The following SPEF2 variants were observed in gnomAD, a reference collection of about 807,000 sequenced individuals.
SPEF2 encodes sperm flagellar and cilia associated 2.
Under a neutral mutation model 224.6 loss-of-function variants are expected in SPEF2, and 187 were observed. The ratio of observed to expected loss-of-function variants is 0.83; its 90% CI spans 0.74 to 0.94. The LOEUF is 0.94. Among genes scored for constraint, SPEF2 ranks in the 40% least tolerant of loss-of-function variants. The pLI is 0.00. For synonymous variants in SPEF2, 715 were observed against 707.3 expected (o/e 1.01, Z -0.17); for missense variants, 2,170 against 2,135.6 (o/e 1.02, Z -0.32).
rs567771873 is a variant in SPEF2, at chr5:35,677,374, G to C, written c.1524+7147G>C. On this transcript the variant is annotated intron_variant, in intron 10 of 36. Coordinates refer to ENST00000356031, the MANE Select transcript of SPEF2 (RefSeq NM_024867.4). ...AAGCAGTTGGGGAATGACATTTACT[G>C]TTTTGATAAGGATAGCCACCACCAT... 2.0e-5 allele frequency among the ~76,000 whole-genome samples: 3 copies of C among 152,318 alleles called. No individual in the cohort carries two copies. The South Asian group carries it at 6.2e-4, about 32-fold the overall frequency.
At chr5:35,671,383 G>C (rs1461989903) in intron 10 of SPEF2, 2 of 964,876 alleles carry the variant, frequency 2.1e-6, no homozygotes, top group East Asian at 1.1e-4. Context: ...GTAGCACTAA[G>C]AGAATTATTA....
At chr5:35,710,932 C>T (rs536777745) in intron 19 of SPEF2, 13 of 969,184 alleles carry the variant, frequency 1.3e-5, no homozygotes, top group East Asian at 1.1e-4. Flanking sequence ...AGGTTAATCT[C>T]GAGAGTCTTA....
At chr5:35,761,839 C>G (rs924725672) in intron 25 of SPEF2, among the ~76,000 whole-genome samples, 1 of 152,148 alleles carries the variant, frequency 6.6e-6, no homozygotes, top group African/African-American at 2.4e-5. Context: ...TAGAATGAAA[C>G]TGGCAAAAGA....
At chr5:35,807,682 G>T in intron 36 of SPEF2, 5 of 1,536,060 alleles carry the variant, frequency 3.3e-6, no homozygotes, top group Middle Eastern at 1.7e-4. Context: ...TGTGCAAAAG[G>T]TTGGGCACCA....
intron 32 of SPEF2, among the ~76,000 whole-genome samples, chr5:35,794,758 C>CTGAG (rs1756437152): frequency 6.6e-6 from 1 of 152,190 alleles, no homozygotes; most frequent in Admixed American, 6.5e-5. Flanking sequence ...CACCAAAGTG[C>CTGAG]TGAGCTAAAA....
At position 35,704,013 on chromosome 5, in the gene SPEF2, A is replaced by G. The variant is rs945649028; in HGVS notation, c.2399-541A>G. The stretch of plus-strand genomic sequence containing the variant: ...ATTCTGGACTTTGTACCATTAATCC[A>G]GAATAGGACTCAATCAGAGCTGTTG... On this transcript the variant is annotated intron_variant, in intron 16 of 36. Transcript: ENST00000356031. 3.9e-5 allele frequency among the ~76,000 whole-genome samples: 6 copies of G among 152,278 alleles called. 1 individual carries two copies.
At chr5:35,669,542 C>T (rs1750949085) in intron 9 of SPEF2, among the ~76,000 whole-genome samples, 2 of 152,048 alleles carry the variant, frequency 1.3e-5, no homozygotes, top group Admixed American at 6.6e-5. Flanking sequence ...CTATTTAAGT[C>T]CAGGTATTCC....
chr5:35,664,717 AGGG>A (rs1750211399), intron 8 of SPEF2, among the ~76,000 whole-genome samples: 1 of 136,826 alleles, frequency 7.3e-6, no homozygotes, highest in African/African-American at 2.8e-5. Context: ...AGAGAGAGAG[AGGG>A]AGGGAGAGAG....
chr5:35,714,336 TAA>T (rs1742063076), intron 20 of SPEF2, among the ~76,000 whole-genome samples: 1 of 151,556 alleles, frequency 6.6e-6, no homozygotes, highest in Admixed American at 6.6e-5. Context: ...CCTGCTTTTT[TAA>T]AGAGTCATAA....
chr5:35,762,721 G>A (rs1323234489), intron 25 of SPEF2, among the ~76,000 whole-genome samples: 1 of 152,128 alleles, frequency 6.6e-6, no homozygotes, highest in Non-Finnish European at 1.5e-5. Context: ...ACTAAAGGGG[G>A]ATTCCAGTCA....
chr5:35,811,293 A>G (rs1758515681), intron 36 of SPEF2, among the ~76,000 whole-genome samples: 1 of 152,166 alleles, frequency 6.6e-6, no homozygotes, highest in African/African-American at 2.4e-5. Context: ...AAGAAGAGCA[A>G]AAGCTAGAGT....
chr5:35,785,999 T>A (rs1048333512), intron 30 of SPEF2, among the ~76,000 whole-genome samples: 2 of 152,214 alleles, frequency 1.3e-5, no homozygotes, highest in Admixed American at 1.3e-4. Flanking sequence ...TAGGCAACAG[T>A]AGCTACTTCT....
chr5:35,727,388 A>G (rs1413205457), intron 20 of SPEF2, among the ~76,000 whole-genome samples: 1 of 152,224 alleles, frequency 6.6e-6, no homozygotes, highest in Non-Finnish European at 1.5e-5. Context: ...TCTAAACTTT[A>G]TAAAAGTCAC....
chr5:35,694,372 TCAAAA>T lies in SPEF2; in HGVS notation c.1975+14_1975+18del. ...AGGTGAAACAATGCTTAGTAAGATCTCAAAACAAATCATCTATTATTTACATTAGA... is the reference window on the plus strand; with the variant it reads ...AGGTGAAACAATGCTTAGTAAGATCTCAAATCATCTATTATTTACATTAGA... On this transcript the variant is annotated intron_variant, in intron 13 of 36. Transcript: ENST00000356031. 2.5e-6 allele frequency: 4 copies of T among 1,597,074 alleles called. No homozygotes were observed. The African/African-American group carries it at 5.5e-5, about 22-fold the overall frequency.
chr5:35,755,517 A>G (rs1750304424), intron 24 of SPEF2, among the ~76,000 whole-genome samples: 1 of 152,214 alleles, frequency 6.6e-6, no homozygotes, highest in Non-Finnish European at 1.5e-5. Context: ...TAAGACCAAC[A>G]AGGAATAAAG....
chr5:35,624,611 ATC>A (rs373361522), intron 1 of SPEF2, among the ~76,000 whole-genome samples: 25 of 146,314 alleles, frequency 1.7e-4, no homozygotes, highest in Admixed American at 2.0e-4. Context: ...TCCTCTCTCA[ATC>A]TCTCTCTCTC....
chr5:35,722,877 C>A (rs1743992019), intron 20 of SPEF2, among the ~76,000 whole-genome samples: 1 of 152,062 alleles, frequency 6.6e-6, no homozygotes, highest in Admixed American at 6.6e-5. Flanking sequence ...CTCACTGCTT[C>A]TCAAGTCCCA....
chr5:35,631,597 T>C (rs1745135822), intron 2 of SPEF2, among the ~76,000 whole-genome samples: 1 of 152,106 alleles, frequency 6.6e-6, no homozygotes, highest in Non-Finnish European at 1.5e-5. Context: ...ACCCAACAAT[T>C]CTACTTCTAG....
At chr5:35,638,785 CGT>C (rs1746188082) in intron 2 of SPEF2, among the ~76,000 whole-genome samples, 1 of 152,058 alleles carries the variant, frequency 6.6e-6, no homozygotes, top group Non-Finnish European at 1.5e-5. Context: ...AAAGTTGCAG[CGT>C]GTGTTTATTC....
Sources: gnomAD v4.1 joint callset for allele counts (sites outside exome capture counted in the v4.1 genomes callset) on GRCh38, gnomAD v4.1.1 for gene constraint, MANE v1.5 for transcripts, NCBI Gene and HGNC (gene_info 2026-07-23, HGNC 2026-07-21) for gene names.